The following TOMM20L variants were observed in gnomAD, a reference collection of about 807,000 sequenced individuals.
TOMM20L encodes translocase of outer mitochondrial membrane 20 like.
TOMM20L carries 19 observed loss-of-function variants against 20.4 expected under a neutral mutation model. The observed-to-expected ratio is 0.93, with a 90% CI of 0.65 to 1.36. The LOEUF is 1.36. TOMM20L is among the 40% of genes most tolerant of loss of function. TOMM20L has a pLI of 0.00. For missense variants in TOMM20L, 218 were observed against 203.7 expected, an observed-to-expected ratio of 1.07 and a Z score of -0.43; for synonymous variants, 75 against 79.6, an observed-to-expected ratio of 0.94 and a Z score of 0.30.
Position 58,396,028 on chromosome 14 carries a change from G to T in TOMM20L, c.71G>T (p.Gly24Val), listed in dbSNP as rs374566035. 8 of 1,447,568 alleles carry T rather than the reference G, an allele frequency of 5.5e-6. No individual in the cohort carries two copies. The highest frequency in any genetic ancestry group is 1.5e-5 in the African/African-American group (1 of 67,778). The allele number at this position is 1,447,568 out of a possible 1,614,324, so 89.7% of individuals were successfully genotyped here. The change falls in exon 1 of 5, where the codon GGC (glycine) becomes GTC (valine). Residue 24 changes from glycine to valine, a missense_variant. Coordinates refer to ENST00000360945, the MANE Select transcript of TOMM20L (RefSeq NM_207377.3). Reference sequence around the variant, plus strand: ...GCCTGTGGCGCCTTCGCCTTCCTGGGCTATTGTATTTACCTCAACCGGAAG... The same window carrying T: ...GCCTGTGGCGCCTTCGCCTTCCTGGTCTATTGTATTTACCTCAACCGGAAG... ...AAACGAFAFLGYCIYLNRKRR... is the reference protein window; with the variant it reads ...AAACGAFAFLVYCIYLNRKRR...
chr14:58,401,348 G>T (rs934627922), intron 2 of TOMM20L, among the ~76,000 whole-genome samples: 1 of 151,988 alleles, frequency 6.6e-6, no homozygotes, highest in African/African-American at 2.4e-5. Context: ...GAGGTGGGCG[G>T]ATCACAAAGT....
chr14:58,399,780 C>T (rs957288899), intron 2 of TOMM20L, among the ~76,000 whole-genome samples: 8 of 150,852 alleles, frequency 5.3e-5, no homozygotes, highest in Non-Finnish European at 8.8e-5. Flanking sequence ...TTATGATGCT[C>T]CTGGTATCAC....
intron 2 of TOMM20L, among the ~76,000 whole-genome samples, chr14:58,401,176 C>T (rs2035988306): frequency 6.6e-6 from 1 of 152,160 alleles, no homozygotes; most frequent in Non-Finnish European, 1.5e-5. Flanking sequence ...TTCCTTCCAG[C>T]TTTTCCTTGA....
intron 3 of TOMM20L, among the ~76,000 whole-genome samples, chr14:58,404,095 A>ATGTG (rs1178678567): frequency 3.6e-4 from 1 of 2,740 alleles, no homozygotes; most frequent in Non-Finnish European, 6.8e-3. Context: ...ATATACATAT[A>ATGTG]TATGTATATA....
rs772972417 is a variant in TOMM20L at position 58,407,487 on chromosome 14, A to AT, written c.405+20dup. On this transcript the variant is annotated intron_variant, in intron 4 of 4. Transcript: ENST00000360945. ...TTGCCAGGTGAGCACATATTTAATT[A>AT]TCTTTGTGAAATGTACACAGTAAAT... 51 of 1,605,214 alleles carry AT rather than the reference A, an allele frequency of 3.2e-5. 1 individual carries two copies. In the South Asian group the frequency reaches 5.5e-4, roughly 17 times the overall value.
At chr14:58,409,932 A>G (rs1412883471), downstream of TOMM20L, among the ~76,000 whole-genome samples, 1 of 152,042 alleles carries the variant, frequency 6.6e-6, no homozygotes, top group East Asian at 1.9e-4. Flanking sequence ...GGTGGAGTGC[A>G]GTGCCTCACT....
At chr14:58,403,274 C>T (rs979839885) in intron 3 of TOMM20L, among the ~76,000 whole-genome samples, 2 of 152,136 alleles carry the variant, frequency 1.3e-5, no homozygotes, top group Non-Finnish European at 2.9e-5. Context: ...GAGAGGATCA[C>T]TTGAGCCCAG....
chr14:58,399,838 C>G (rs1350422470), intron 2 of TOMM20L, among the ~76,000 whole-genome samples: 1 of 140,738 alleles, frequency 7.1e-6, no homozygotes, highest in Non-Finnish European at 1.5e-5. Context: ...ATATCAACTT[C>G]ATCCATCATA....
the TOMM20L span, among the ~76,000 whole-genome samples, chr14:58,414,008 G>GGAA: frequency 2.5e-4 from 6 of 24,180 alleles, no homozygotes; most frequent in Admixed American, 1.0e-3. Context: ...TTCCGTCTCA[G>GGAA]AAAAAAAAAA....
intron 4 of TOMM20L, 111 bp from the exon 5 acceptor site, chr14:58,408,417 CA>C (rs372466195): frequency 0.13 from 90,942 of 700,436 alleles, 30 homozygotes; most frequent in South Asian, 0.16. Context: ...AACTCCGTCT[CA>C]AAAAAAAAAA....
rs370411959 is a variant in TOMM20L, at chr14:58,408,511, A to G, written c.406-18A>G. 4 of 1,612,260 alleles carry G rather than the reference A, an allele frequency of 2.5e-6. No homozygotes were observed. The African/African-American group carries it at 4.0e-5, about 16-fold the overall frequency. On this transcript the variant is annotated intron_variant, in intron 4 of 4. Coordinates refer to ENST00000360945, the MANE Select transcript of TOMM20L (RefSeq NM_207377.3). ...GCATTGAAATGATTAGCAAGTAACTATTTTATGTATTCACCAGCAATTTGA... is the reference window on the plus strand; with the variant it reads ...GCATTGAAATGATTAGCAAGTAACTGTTTTATGTATTCACCAGCAATTTGA...
chr14:58,402,322 CTTG>C (rs972968587), intron 2 of TOMM20L, among the ~76,000 whole-genome samples: 1 of 151,018 alleles, frequency 6.6e-6, no homozygotes, highest in Non-Finnish European at 1.5e-5. Context: ...GAGTTTCACT[CTTG>C]TTGTCCAGGC....
chr14:58,408,567 G>C lies in TOMM20L; in HGVS notation c.444G>C (p.Glu148Asp). 6.2e-7 allele frequency: 1 copy of C among 1,614,062 alleles called. No individual in the cohort carries two copies. Among genetic ancestry groups the C allele is most frequent in the Non-Finnish European group, 8.5e-7 (1 of 1,179,968 alleles). The change falls in exon 5 of 5, where the codon GAG (glutamate) becomes GAC (aspartate). Residue 148 changes from glutamate (E) to aspartate (D), a missense_variant. Coordinates refer to ENST00000360945, the MANE Select transcript of TOMM20L (RefSeq NM_207377.3). The stretch of plus-strand genomic sequence containing the variant: ...ACATGAATGAACAGGACTGCTTGGA[G>C]GATGATCCTGATTGAAAAACATTTC... ...EADMNEQDCL[E>D]DDPD
intron 2 of TOMM20L, among the ~76,000 whole-genome samples, chr14:58,399,109 C>T (rs1479944580): frequency 6.6e-6 from 1 of 152,188 alleles, no homozygotes; most frequent in East Asian, 1.9e-4. Context: ...TGGTCTTGAA[C>T]TCCTGAGCTC....
Position 58,407,465 on chromosome 14 carries a change from C to G in TOMM20L, c.402C>G (p.Cys134Trp). 1 of 1,611,180 alleles carries G rather than the reference C, an allele frequency of 6.2e-7. No homozygotes were observed. The highest frequency in any genetic ancestry group is 8.5e-7 in the Non-Finnish European group (1 of 1,179,022). ...TGTTGCACAAAATTCCCCTTATTTGCCAGGTGAGCACATATTTAATTATCT... is the reference window on the plus strand; with the variant it reads ...TGTTGCACAAAATTCCCCTTATTTGGCAGGTGAGCACATATTTAATTATCT... ...EMLLHKIPLICQQFEADMNEQ... is the reference protein window; with the variant it reads ...EMLLHKIPLIWQQFEADMNEQ... The change falls in exon 4 of 5, where the codon TGC becomes TGG. Residue 134 changes from cysteine to tryptophan, a missense_variant. Coordinates refer to ENST00000360945, the MANE Select transcript of TOMM20L (RefSeq NM_207377.3).
At chr14:58,405,880 C>T (rs1018924610) in intron 3 of TOMM20L, among the ~76,000 whole-genome samples, 1 of 152,200 alleles carries the variant, frequency 6.6e-6, no homozygotes, top group African/African-American at 2.4e-5. Flanking sequence ...GCTGCTTATT[C>T]TTTAATTCTT....
At chr14:58,411,386 T>C (rs2036209641), downstream of TOMM20L, among the ~76,000 whole-genome samples, 1 of 151,406 alleles carries the variant, frequency 6.6e-6, no homozygotes, top group Non-Finnish European at 1.5e-5. Flanking sequence ...AGATGGAGGT[T>C]GCAGTGAACC....
chr14:58,401,697 T>G (rs2140301805), intron 2 of TOMM20L, among the ~76,000 whole-genome samples: 1 of 152,252 alleles, frequency 6.6e-6, no homozygotes, highest in South Asian at 2.1e-4. Flanking sequence ...GCAGTGGAGT[T>G]GATATTTTGG....
chr14:58,403,895 T>A (rs1193977298), intron 3 of TOMM20L, among the ~76,000 whole-genome samples: 2 of 150,176 alleles, frequency 1.3e-5, no homozygotes, highest in Non-Finnish European at 3.0e-5. Flanking sequence ...CAGATGGATT[T>A]GAGAAAACTT....
Sources: gnomAD v4.1 joint callset for allele counts (sites outside exome capture counted in the v4.1 genomes callset) on GRCh38, gnomAD v4.1.1 for gene constraint, MANE v1.5 for transcripts, NCBI Gene and HGNC (gene_info 2026-07-23, HGNC 2026-07-21) for gene names.